Variants in COL11A1 observed in about 807,000 individuals in gnomAD.
COL11A1 encodes collagen alpha-1(XI) chain.
Under a neutral mutation model 265.2 loss-of-function variants are expected in COL11A1, and 74 were observed. That is an observed-to-expected ratio of 0.28 (90% confidence interval 0.23 to 0.34). The LOEUF is 0.34. COL11A1 is among the 10% of genes least tolerant of loss of function. The pLI is 1.00. For synonymous variants in COL11A1, 816 were observed against 727.6 expected (o/e 1.12, Z -1.96); for missense variants, 2,165 against 2,263.6 (o/e 0.96, Z 0.88).
intron 35 of COL11A1, among the ~76,000 whole-genome samples, chr1:102,976,289 C>CTTTTGTTTTTTTTTTTTTTTTTTTTTTTT (rs1662464300): frequency 3.4e-5 from 2 of 58,578 alleles, no homozygotes; most frequent in Admixed American, 3.2e-4. Flanking sequence ...AAAACGTTGG[C>CTTTTGTTTTTTTTTTTTTTTTTTTTTTTT]TTTTTTTTTT....
chr1:102,924,197 G>A (rs1166344781), intron 46 of COL11A1, among the ~76,000 whole-genome samples: 1 of 152,078 alleles, frequency 6.6e-6, no homozygotes, highest in Non-Finnish European at 1.5e-5. Context: ...CTCCAACCTG[G>A]GTGACAGAGC....
chr1:103,063,998 A>G (rs978754787), intron 4 of COL11A1, among the ~76,000 whole-genome samples: 3 of 152,152 alleles, frequency 2.0e-5, no homozygotes, highest in South Asian at 2.1e-4. Context: ...TAAAACAACA[A>G]TGAGAAACCA....
At chr1:102,964,028 A>C (rs1661169031) in intron 38 of COL11A1, among the ~76,000 whole-genome samples, 2 of 152,350 alleles carry the variant, frequency 1.3e-5, no homozygotes, top group South Asian at 4.1e-4. Context: ...AGGACCAATA[A>C]AAAATGTAAT....
intron 4 of COL11A1, among the ~76,000 whole-genome samples, chr1:103,064,187 A>T (rs1670892756): frequency 6.6e-6 from 1 of 152,114 alleles, no homozygotes. Flanking sequence ...TTCATACAAC[A>T]ATCACACTTC....
At chr1:103,086,291 T>A (rs1164450199) in intron 1 of COL11A1, among the ~76,000 whole-genome samples, 2 of 148,400 alleles carry the variant, frequency 1.3e-5, no homozygotes, top group Non-Finnish European at 3.0e-5. Context: ...CATGAACACA[T>A]CTATGAAGGC....
At position 103,074,760 on chromosome 1, in the gene COL11A1, C is replaced by T; in HGVS notation, c.509G>A (p.Ser170Asn). Reference sequence around the variant, plus strand: ...CATTGTCACAGTTTTCTTCTCCACGCTGATTGCTACCCGATGCCACCTAAA... The same window carrying T: ...CATTGTCACAGTTTTCTTCTCCACGTTGATTGCTACCCGATGCCACCTAAA... ...ADGKWHRVAI[S>N]VEKKTVTMIV... The change falls in exon 4 of 67, where the codon AGC becomes AAC. Residue 170 changes from serine (S) to asparagine (N), a missense_variant. Physicochemically the swap from Ser to Asn is conservative, Grantham distance 46. Coordinates refer to ENST00000370096, the MANE Select transcript of COL11A1 (RefSeq NM_001854.4). 2 of 1,613,224 alleles carry T rather than the reference C, an allele frequency of 1.2e-6. No individual in the cohort carries two copies. Among genetic ancestry groups the T allele is most frequent in the Non-Finnish European group, 1.7e-6 (2 of 1,179,544 alleles).
intron 35 of COL11A1, among the ~76,000 whole-genome samples, chr1:102,977,985 A>G (rs1253936925): frequency 6.6e-6 from 1 of 152,114 alleles, no homozygotes; most frequent in Non-Finnish European, 1.5e-5. Context: ...TGCCTATTAT[A>G]CATTTCAAAT....
At chr1:103,098,316 G>A (rs900162047) in intron 1 of COL11A1, among the ~76,000 whole-genome samples, 3 of 151,778 alleles carry the variant, frequency 2.0e-5, no homozygotes, top group Admixed American at 6.6e-5. Flanking sequence ...CCTTTCACTC[G>A]ACTTCCAGTG....
intron 4 of COL11A1, among the ~76,000 whole-genome samples, chr1:103,037,186 A>G (rs185320662): frequency 4.7e-5 from 7 of 150,458 alleles, no homozygotes; most frequent in African/African-American, 7.3e-5. Context: ...AGCTGTTTCA[A>G]TTTTCTGTGC....
intron 3 of COL11A1, among the ~76,000 whole-genome samples, chr1:103,077,852 T>C (rs988486663): frequency 6.6e-6 from 1 of 152,106 alleles, no homozygotes; most frequent in Non-Finnish European, 1.5e-5. Context: ...TTTCCAACTA[T>C]ACGAACTTAG....
intron 54 of COL11A1, among the ~76,000 whole-genome samples, chr1:102,902,987 G>T (rs188142121): frequency 6.6e-6 from 1 of 151,744 alleles, no homozygotes; most frequent in East Asian, 1.9e-4. Flanking sequence ...ATTTTTTATT[G>T]TGAACTTCCC....
At chr1:102,990,321 A>C (rs1450643420) in intron 28 of COL11A1, among the ~76,000 whole-genome samples, 2 of 127,796 alleles carry the variant, frequency 1.6e-5, no homozygotes, top group Admixed American at 1.8e-4. Context: ...TATGCCTATA[A>C]ATTTTATATT....
intron 4 of COL11A1, among the ~76,000 whole-genome samples, chr1:103,037,129 C>A (rs1306690896): frequency 8.8e-5 from 13 of 147,126 alleles, no homozygotes; most frequent in Non-Finnish European, 1.5e-5. Context: ...CTTTGGTTTG[C>A]ATATATATAA....
chr1:102,943,795 C>A (rs545476839), intron 42 of COL11A1, among the ~76,000 whole-genome samples: 22 of 151,298 alleles, frequency 1.5e-4, no homozygotes, highest in Admixed American at 1.1e-3. Context: ...AGTGCATTGA[C>A]TTCACTGTGT....
At chr1:102,900,040 C>T (rs918049175) in intron 54 of COL11A1, among the ~76,000 whole-genome samples, 11 of 151,814 alleles carry the variant, frequency 7.2e-5, no homozygotes, top group African/African-American at 2.7e-4. Context: ...CACGTGTACC[C>T]CATGAATTTA....
chr1:102,995,526 A>G (rs1570976141), intron 28 of COL11A1, among the ~76,000 whole-genome samples: 1 of 152,182 alleles, frequency 6.6e-6, no homozygotes, highest in Non-Finnish European at 1.5e-5. Flanking sequence ...TATGTTATGC[A>G]TCTAACTAGA....
At chr1:103,085,751 G>A (rs1007216116) in intron 1 of COL11A1, among the ~76,000 whole-genome samples, 1 of 152,046 alleles carries the variant, frequency 6.6e-6, no homozygotes, top group Non-Finnish European at 1.5e-5. Context: ...TGCTTGCAAC[G>A]GCTATGTTTT....
chr1:103,017,264 T>C (rs77729494), intron 11 of COL11A1, among the ~76,000 whole-genome samples: 6,741 of 152,148 alleles, frequency 0.044, 255 homozygotes, highest in African/African-American at 0.098. Context: ...ATTATTTAAA[T>C]TGTAATTATA....
At position 103,082,904 on chromosome 1, in the gene COL11A1, C is replaced by T. The variant is rs1044368824; in HGVS notation, c.175G>A (p.Gly59Arg). The change falls in exon 2 of 67, where the codon GGA (glycine) becomes AGA (arginine). Residue 59 changes from glycine to arginine, a missense_variant. Coordinates refer to ENST00000370096, the MANE Select transcript of COL11A1 (RefSeq NM_001854.4). Reference protein sequence around the residue: ...NSPEGISKTTGFCTNRKNSKG... With the variant: ...NSPEGISKTTRFCTNRKNSKG... ...GAATTCTTTCTGTTTGTGCAAAATC[C>T]CGTTGTTTTTGATATTCCCTCTGGA... 2 of 1,613,296 alleles carry T rather than the reference C, an allele frequency of 1.2e-6. No individual in the cohort carries two copies. Among genetic ancestry groups the T allele is most frequent in the African/African-American group, 1.3e-5 (1 of 74,838 alleles).
Sources: gnomAD v4.1 joint callset for allele counts (sites outside exome capture counted in the v4.1 genomes callset) on GRCh38, gnomAD v4.1.1 for gene constraint, MANE v1.5 for transcripts, NCBI Gene and HGNC (gene_info 2026-07-23, HGNC 2026-07-21) for gene names.